Variants in LAMP2 observed in about 807,000 individuals in gnomAD.
LAMP2 encodes lysosome associated membrane protein 2.
Under a neutral mutation model 25.6 loss-of-function variants are expected in LAMP2, and 4 were observed. The observed-to-expected ratio is 0.16, with a 90% confidence interval of 0.08 to 0.36. LAMP2 has a LOEUF of 0.36. Ranked by LOEUF, LAMP2 falls within the 10% of genes least tolerant of loss-of-function variation. The pLI is 1.00. For missense variants in LAMP2, 272 were observed against 301.4 expected, an observed-to-expected ratio of 0.90 and a Z score of 0.72; for synonymous variants, 108 against 112.7, an observed-to-expected ratio of 0.96 and a Z score of 0.27.
chrX:120,445,554 C>G (rs2058592159), intron 6 of LAMP2, among the ~76,000 whole-genome samples: 1 of 112,412 alleles, frequency 8.9e-6, no homozygotes. Context: ...GGTGGTTCAA[C>G]ATTTTCCCTC....
chrX:120,466,769 G>A (rs1051563769), intron 1 of LAMP2, among the ~76,000 whole-genome samples: 5 of 110,918 alleles, frequency 4.5e-5, no homozygotes, highest in Non-Finnish European at 9.4e-5. Context: ...CACATGTTAC[G>A]TAGCCACTGG....
At chrX:120,455,207 C>A in intron 3 of LAMP2, 150 bp downstream of exon 3, 1 of 495,451 alleles carries the variant, frequency 2.0e-6, no homozygotes. Context: ...GTCATATGTG[C>A]CATGCATGGG....
chrX:120,462,784 G>A (rs1044842199), intron 1 of LAMP2, among the ~76,000 whole-genome samples: 13 of 111,937 alleles, frequency 1.2e-4, no homozygotes, highest in African/African-American at 4.2e-4. Context: ...GAGTGGAAGA[G>A]CTAGAACTCA....
intron 1 of LAMP2, among the ~76,000 whole-genome samples, chrX:120,466,699 T>TA (rs2147293106): frequency 8.9e-6 from 1 of 111,773 alleles, no homozygotes; most frequent in Non-Finnish European, 1.9e-5. Context: ...GTATTTACAG[T>TA]ATTAGAAATT....
chrX:120,448,420 C>T (rs906471283), intron 4 of LAMP2, among the ~76,000 whole-genome samples: 3 of 112,395 alleles, frequency 2.7e-5, no homozygotes, highest in African/African-American at 9.7e-5. Context: ...AGGAAGGATA[C>T]TGTTTACTAG....
intron 5 of LAMP2, 86 bp downstream of exon 5, chrX:120,447,755 A>G: frequency 1.2e-6 from 1 of 826,168 alleles, no homozygotes; most frequent in Non-Finnish European, 1.8e-6. Flanking sequence ...TCATTCTAGT[A>G]ACACTACCTT....
rs150743630 is a variant in LAMP2, at chrX:120,457,383, C to T, written c.65-614G>A. On this transcript the variant is annotated intron_variant, in intron 1 of 8. Coordinates refer to ENST00000200639, the MANE Select transcript of LAMP2 (RefSeq NM_002294.3). ...TTTTATTCTGATGTGATCAGATACTCTTTCTATCATGTAACCAAGGAAGCA... is the reference window on the plus strand; with the variant it reads ...TTTTATTCTGATGTGATCAGATACTTTTTCTATCATGTAACCAAGGAAGCA... Among the ~76,000 whole-genome samples, 535 of 112,010 alleles carry T rather than the reference C, an allele frequency of 4.8e-3. 5 individuals carry two copies. Among genetic ancestry groups the T allele is most frequent in the African/African-American group, 0.017 (520 of 30,681 alleles).
At position 120,466,422 on chromosome X, in the gene LAMP2, A is replaced by G. The variant is rs79441679; in HGVS notation, c.64+2684T>C. 8.1e-3 allele frequency among the ~76,000 whole-genome samples: 905 copies of G among 112,028 alleles called. 15 individuals carry two copies. The highest frequency in any genetic ancestry group is 0.05 in the Admixed American group (531 of 10,540). Reference sequence around the variant, plus strand: ...TGCCTTGGTCAGATGTGTTCTAGTCACTGATAAGGTACTTTCCATTGTAAA... The same window carrying G: ...TGCCTTGGTCAGATGTGTTCTAGTCGCTGATAAGGTACTTTCCATTGTAAA... On this transcript the variant is annotated intron_variant, in intron 1 of 8. Coordinates refer to ENST00000200639, the MANE Select transcript of LAMP2 (RefSeq NM_002294.3).
intron 1 of LAMP2, 33 bp from the exon 2 acceptor site, chrX:120,456,802 T>A: frequency 1.2e-6 from 1 of 804,284 alleles, no homozygotes. Flanking sequence ...TATTTTAAAA[T>A]TGTACTACAA....
chrX:120,449,113 T>C lies in LAMP2; in HGVS notation c.413A>G (p.Asp138Gly). The change falls in exon 4 of 9, where the codon GAT becomes GGT. Residue 138 changes from aspartate (D) to glycine (G), a missense_variant. By Grantham distance (94) the Asp-to-Gly change is moderately conservative. Transcript: ENST00000200639. ...DAEDKGILTVDELLAIRIPLN... is the reference protein window; with the variant it reads ...DAEDKGILTVGELLAIRIPLN... ...TGGAATTCTGATGGCCAAAAGTTCA[T>C]CAACAGTAAGAATTCCTATAAAACA... The C allele has an allele frequency of 5.8e-6, 7 of 1,199,794 alleles. No homozygotes were observed. Among genetic ancestry groups the C allele is most frequent in the Non-Finnish European group, 7.9e-6 (7 of 884,690 alleles).
intron 7 of LAMP2, 103 bp downstream of exon 7, chrX:120,442,496 T>G (rs1429354454): frequency 1.5e-6 from 1 of 673,513 alleles, no homozygotes; most frequent in Admixed American, 2.2e-5. Context: ...CATAGCATCT[T>G]CTGTTTCATT....
intron 1 of LAMP2, 150 bp from the exon 2 acceptor site, chrX:120,456,919 T>C (rs978485368): frequency 5.6e-6 from 2 of 355,430 alleles, no homozygotes; most frequent in South Asian, 1.1e-4. Flanking sequence ...TATATATACA[T>C]ATATGTGTAT....
Position 120,446,326 on chromosome X carries a change from A to G in LAMP2, c.843T>C (p.Tyr281=). 8.3e-7 allele frequency: 1 copy of G among 1,208,250 alleles called. No homozygotes were observed. Among genetic ancestry groups the G allele is most frequent in the Non-Finnish European group, 1.1e-6 (1 of 892,317 alleles). ...TCACCACAGCAAAGACAAAGTCTAG[A>G]TACTTAATGGTGCTGCTATTGAGTC... is the stretch of plus-strand genomic sequence containing the variant. The part of the protein sequence containing the change: ...LLRLNSSTIK[Y]LDFVFAVKNE... Residue 281 remains tyrosine (Y), a synonymous_variant, in exon 6 of 9, where the codon TAT becomes TAC. Coordinates refer to ENST00000200639, the MANE Select transcript of LAMP2 (RefSeq NM_002294.3).
chrX:120,432,858 G>A (rs1323130776), intron 8 of LAMP2, among the ~76,000 whole-genome samples: 2 of 109,177 alleles, frequency 1.8e-5, no homozygotes, highest in Non-Finnish European at 3.8e-5. Context: ...TACTTGGGAA[G>A]CTGAGATGGG....
intron 3 of LAMP2, among the ~76,000 whole-genome samples, chrX:120,453,756 C>T (rs1400931004): frequency 1.2e-4 from 13 of 112,010 alleles, no homozygotes; most frequent in South Asian, 7.3e-4. Context: ...TGCAGTAAGC[C>T]GAGATCAGGC....
At chrX:120,456,580 G>A (rs200936662) in intron 2 of LAMP2, 71 bp downstream of exon 2, 154 of 525,871 alleles carry the variant, frequency 2.9e-4, no homozygotes, top group African/African-American at 1.3e-3. Context: ...ATTTGTATAC[G>A]TGTATCTAAA....
At chrX:120,464,390 C>T (rs919064255) in intron 1 of LAMP2, among the ~76,000 whole-genome samples, 1 of 111,367 alleles carries the variant, frequency 9.0e-6, no homozygotes, top group Non-Finnish European at 1.9e-5. Context: ...AAATTCACTA[C>T]GGGTTAACCA....
rs185026509 is a variant in LAMP2 at position 120,463,963 on chromosome X, A to G, written c.64+5143T>C. Among the ~76,000 whole-genome samples the G allele has an allele frequency of 8.3e-3, 895 of 108,093 alleles. 24 individuals carry two copies. The highest frequency in any genetic ancestry group is 0.029 in the African/African-American group (850 of 29,684). 93.9% of individuals were successfully genotyped at this position (108,093 alleles called of 115,157 possible). ...GGTTCAGAATTTTTCAGTCCTTTAC[A>G]GTATCTCTATTATAACTAGAATAAT... On this transcript the variant is annotated intron_variant, in intron 1 of 8. Transcript: ENST00000200639.
At chrX:120,449,619 AAAAAAG>A (rs1440861916) in intron 3 of LAMP2, among the ~76,000 whole-genome samples, 1 of 111,694 alleles carries the variant, frequency 9.0e-6, no homozygotes, top group African/African-American at 3.3e-5. Context: ...TGTCTCAAGA[AAAAAAG>A]AAAAAGAAAG....
Sources: allele counts gnomAD v4.1 joint callset (sites outside exome capture counted in the v4.1 genomes callset), GRCh38; gene constraint gnomAD v4.1.1; transcripts MANE v1.5; gene names NCBI Gene and HGNC (gene_info 2026-07-23, HGNC 2026-07-21).